TEX9: variants seen among roughly 807,000 people sequenced by gnomAD.
The protein encoded by TEX9 is testis-expressed protein 9.
TEX9 carries 74 observed loss-of-function variants against 59.6 expected under a neutral mutation model. That is an observed-to-expected ratio of 1.24 (90% CI 1.03 to 1.51). The LOEUF is 1.51. Ranked by LOEUF, TEX9 falls within the 40% of genes most tolerant of loss-of-function variation. The pLI is 0.00. For synonymous variants in TEX9, 186 were observed against 152.2 expected (o/e 1.22, Z -1.64); for missense variants, 522 against 447.8 (o/e 1.17, Z -1.49).
intron 1 of TEX9, among the ~76,000 whole-genome samples, chr15:56,262,241 C>G (rs568578173): frequency 1.3e-5 from 2 of 152,212 alleles, no homozygotes; most frequent in African/African-American, 2.4e-5. Flanking sequence ...CATTTTCACA[C>G]AACAGGCAAA....
At chr15:56,367,343 C>T (rs969958399) in intron 2 of TEX9, among the ~76,000 whole-genome samples, 7 of 152,166 alleles carry the variant, frequency 4.6e-5, no homozygotes, top group Non-Finnish European at 8.8e-5. Context: ...TCCCTGTAAG[C>T]AAGAATATGA....
intron 3 of TEX9, among the ~76,000 whole-genome samples, chr15:56,377,924 A>G (rs149347672): frequency 3.1e-3 from 473 of 152,286 alleles, no homozygotes; most frequent in Middle Eastern, 0.01. Flanking sequence ...TGTGTTTACC[A>G]TGAAGGGATG....
At chr15:56,310,409 G>T (rs1191469676) in intron 1 of TEX9, among the ~76,000 whole-genome samples, 1 of 152,270 alleles carries the variant, frequency 6.6e-6, no homozygotes, top group East Asian at 1.9e-4. Context: ...TCCAGCCTGG[G>T]CAACAAGAGC....
intron 1 of TEX9, among the ~76,000 whole-genome samples, chr15:56,305,511 C>T (rs971629444): frequency 6.6e-6 from 1 of 151,996 alleles, no homozygotes; most frequent in Non-Finnish European, 1.5e-5. Context: ...ATGCCAAGAA[C>T]GTACAATGGG....
the TEX9 span, among the ~76,000 whole-genome samples, chr15:56,457,580 T>C: frequency 2.6e-5 from 4 of 152,158 alleles, no homozygotes; most frequent in Non-Finnish European, 5.9e-5. Context: ...CCCAGCACTT[T>C]GGGAGGCTAA....
downstream of TEX9, chr15:56,447,120 G>C: frequency 1.9e-6 from 1 of 523,004 alleles, no homozygotes; most frequent in Non-Finnish European, 3.4e-6. Context: ...GGGCATTAGG[G>C]CTTACATTTT....
chr15:56,437,617 G>T (rs1338725132), intron 12 of TEX9, among the ~76,000 whole-genome samples: 1 of 152,158 alleles, frequency 6.6e-6, no homozygotes, highest in African/African-American at 2.4e-5. Flanking sequence ...TCTGGCCAGG[G>T]CAGTCAGGCA....
downstream of TEX9, among the ~76,000 whole-genome samples, chr15:56,448,723 A>G (rs2140366841): frequency 6.7e-6 from 1 of 150,062 alleles, no homozygotes; most frequent in East Asian, 1.9e-4. Context: ...TTTTGGTAGA[A>G]TGATTTGCTA....
intron 10 of TEX9, among the ~76,000 whole-genome samples, chr15:56,418,747 C>T (rs1335726703): frequency 2.0e-5 from 3 of 151,856 alleles, no homozygotes; most frequent in Admixed American, 6.6e-5. Context: ...TGAAGCAACA[C>T]CTAGATAATT....
At chr15:56,250,134 T>G (rs1163123722) in intron 1 of TEX9, among the ~76,000 whole-genome samples, 1 of 152,200 alleles carries the variant, frequency 6.6e-6, no homozygotes, top group Admixed American at 6.5e-5. Flanking sequence ...GTAAATTTAA[T>G]TTGATTTAAA....
At chr15:56,247,257 A>G (rs2043881293) in intron 1 of TEX9, among the ~76,000 whole-genome samples, 1 of 152,252 alleles carries the variant, frequency 6.6e-6, no homozygotes, top group Admixed American at 6.5e-5. Flanking sequence ...AATATGAATA[A>G]ATAAGACCTG....
intron 1 of TEX9, among the ~76,000 whole-genome samples, chr15:56,341,115 G>A (rs2046364302): frequency 6.6e-6 from 1 of 152,180 alleles, no homozygotes; most frequent in South Asian, 2.1e-4. Flanking sequence ...AGTAGGTTCT[G>A]TGAAGATGAG....
At chr15:56,286,319 C>T (rs1240000442) in intron 1 of TEX9, among the ~76,000 whole-genome samples, 1 of 152,156 alleles carries the variant, frequency 6.6e-6, no homozygotes, top group Non-Finnish European at 1.5e-5. Context: ...GTACAAAGAT[C>T]TACCTCAGAC....
chr15:56,251,652 G>A (rs543036843), intron 1 of TEX9, among the ~76,000 whole-genome samples: 9 of 152,242 alleles, frequency 5.9e-5, no homozygotes, highest in Middle Eastern at 3.4e-3. Context: ...CAATGATTAA[G>A]CAGAAACTGT....
At chr15:56,394,619 C>A in intron 8 of TEX9, 42 bp from the exon 9 acceptor site, 1 of 1,361,308 alleles carries the variant, frequency 7.3e-7, no homozygotes, top group Non-Finnish European at 1.0e-6. Flanking sequence ...GATAACAAAT[C>A]TTACATATTT....
At chr15:56,367,851 T>A (rs1380590296) in intron 2 of TEX9, among the ~76,000 whole-genome samples, 1 of 152,222 alleles carries the variant, frequency 6.6e-6, no homozygotes, top group Non-Finnish European at 1.5e-5. Context: ...AATTTTTAGA[T>A]GTTGATGCTA....
intron 1 of TEX9, among the ~76,000 whole-genome samples, chr15:56,299,866 TG>T (rs1178549846): frequency 6.6e-6 from 1 of 152,136 alleles, no homozygotes; most frequent in African/African-American, 2.4e-5. Context: ...AAAGAGACTC[TG>T]GGCCCTGAAT....
chr15:56,410,570 T>G (rs1214943430), intron 9 of TEX9, among the ~76,000 whole-genome samples: 2 of 152,158 alleles, frequency 1.3e-5, no homozygotes, highest in African/African-American at 4.8e-5. Flanking sequence ...AGTAGAAATT[T>G]GTTTAGTGGA....
chr15:56,420,249 CTCT>C (rs2049911996), intron 10 of TEX9, among the ~76,000 whole-genome samples: 4 of 150,712 alleles, frequency 2.7e-5, no homozygotes, highest in African/African-American at 7.3e-5. Flanking sequence ...TTGATTTCTG[CTCT>C]TCTATTTCTT....
Sources: allele counts gnomAD v4.1 joint callset (sites outside exome capture counted in the v4.1 genomes callset), GRCh38; gene constraint gnomAD v4.1.1; transcripts MANE v1.5; gene names NCBI Gene and HGNC (gene_info 2026-07-23, HGNC 2026-07-21).